The following GALNT2 variants were observed in gnomAD, a reference collection of about 807,000 sequenced individuals.
GALNT2 encodes the protein UDP-GalNAc:polypeptide N-acetylgalactosaminyltransferase 2.
GALNT2 carries 31 observed loss-of-function variants against 81.4 expected under a neutral mutation model. The observed-to-expected ratio is 0.38, with a 90% CI of 0.29 to 0.51. GALNT2 has a LOEUF of 0.51. Among genes scored for constraint, GALNT2 ranks in the 20% least tolerant of loss-of-function variants. The pLI is 0.87. For missense variants in GALNT2, 629 were observed against 765.7 expected, an observed-to-expected ratio of 0.82 and a Z score of 2.11; for synonymous variants, 303 against 287.4, an observed-to-expected ratio of 1.05 and a Z score of -0.55.
intron 3 of GALNT2, among the ~76,000 whole-genome samples, chr1:230,206,194 A>G (rs899054493): frequency 2.6e-5 from 4 of 152,164 alleles, no homozygotes; most frequent in African/African-American, 9.7e-5. Context: ...GTTCTTTCTC[A>G]TGGCTCATCA....
At chr1:230,203,023 A>C in intron 2 of GALNT2, 114 bp from the exon 3 acceptor site, 2 of 1,129,336 alleles carry the variant, frequency 1.8e-6, no homozygotes, top group Non-Finnish European at 2.5e-6. Flanking sequence ...TAAAATGGCC[A>C]CTATATAAAG....
chr1:230,255,318 G>A lies in GALNT2; in HGVS notation c.1110G>A (p.Pro370=), dbSNP rs758160726. ...GGAAGCAGCACCCCTACACGTTCCCGGGTGGCAGTGGCACTGTCTTTGCCC... is the reference window on the plus strand; with the variant it reads ...GGAAGCAGCACCCCTACACGTTCCCAGGTGGCAGTGGCACTGTCTTTGCCC... The part of the protein sequence containing the change: ...VFRKQHPYTF[P]GGSGTVFARN... Residue 370 remains proline, a synonymous_variant, in exon 11 of 16, where the codon CCG becomes CCA. Transcript: ENST00000366672. 5.5e-5 allele frequency: 88 copies of A among 1,614,222 alleles called. No homozygotes were observed. Among genetic ancestry groups the A allele is most frequent in the Non-Finnish European group, 6.9e-5 (81 of 1,180,044 alleles).
chr1:230,159,066 A>C (rs1312131109), intron 1 of GALNT2, among the ~76,000 whole-genome samples: 1 of 152,176 alleles, frequency 6.6e-6, no homozygotes, highest in Non-Finnish European at 1.5e-5. Flanking sequence ...GATGAGAGAG[A>C]GAGTAGTGGT....
chr1:230,150,716 C>T (rs572372282), intron 1 of GALNT2, among the ~76,000 whole-genome samples: 6 of 152,342 alleles, frequency 3.9e-5, no homozygotes, highest in Admixed American at 2.0e-4. Context: ...GAATGCGCTG[C>T]GACATTCAGC....
rs115029777 is a variant in GALNT2 at position 230,175,431 on chromosome 1, G to A, written c.127-2787G>A. ...CTTCCTCACCTGTAAAATTGGAATAGTAATAGCATTGCAGGAAGATGAGCA... is the reference window on the plus strand; with the variant it reads ...CTTCCTCACCTGTAAAATTGGAATAATAATAGCATTGCAGGAAGATGAGCA... On this transcript the variant is annotated intron_variant, in intron 1 of 15. Coordinates refer to ENST00000366672, the MANE Select transcript of GALNT2 (RefSeq NM_004481.5). 2.0e-3 allele frequency among the ~76,000 whole-genome samples: 301 copies of A among 152,272 alleles called. 2 individuals carry two copies. Among genetic ancestry groups the A allele is most frequent in the African/African-American group, 7.1e-3 (293 of 41,548 alleles).
chr1:230,229,824 G>A (rs1664818358), intron 3 of GALNT2, among the ~76,000 whole-genome samples: 1 of 152,114 alleles, frequency 6.6e-6, no homozygotes, highest in Non-Finnish European at 1.5e-5. Context: ...CTTCGAATAG[G>A]TGCAGAAAAA....
chr1:230,145,210 C>T (rs1044546920), intron 1 of GALNT2, among the ~76,000 whole-genome samples: 1 of 152,126 alleles, frequency 6.6e-6, no homozygotes, highest in African/African-American at 2.4e-5. Context: ...TCTCAGATCG[C>T]CCCCTGTGTT....
intron 1 of GALNT2, among the ~76,000 whole-genome samples, chr1:230,174,664 C>T (rs1315525077): frequency 6.6e-6 from 1 of 152,132 alleles, no homozygotes; most frequent in South Asian, 2.1e-4. Context: ...CGCTCTGTCC[C>T]TCCGGGACCT....
At chr1:230,171,769 T>C (rs1023415330) in intron 1 of GALNT2, among the ~76,000 whole-genome samples, 2 of 152,236 alleles carry the variant, frequency 1.3e-5, no homozygotes, top group African/African-American at 4.8e-5. Context: ...AGCATGTTTA[T>C]TTTAGTGGTG....
intron 1 of GALNT2, among the ~76,000 whole-genome samples, chr1:230,130,412 A>G (rs1401864527): frequency 6.6e-6 from 1 of 152,154 alleles, no homozygotes; most frequent in Admixed American, 6.6e-5. Context: ...ACTGCTGGGC[A>G]CTGGCTGATG....
intron 14 of GALNT2, among the ~76,000 whole-genome samples, chr1:230,273,376 C>T (rs765317951): frequency 7.2e-5 from 11 of 152,248 alleles, no homozygotes; most frequent in South Asian, 2.1e-4. Flanking sequence ...GACAGACAGA[C>T]GGAGGGGAGG....
chr1:230,273,064 C>A (rs970397931), intron 14 of GALNT2, among the ~76,000 whole-genome samples: 3 of 152,136 alleles, frequency 2.0e-5, no homozygotes, highest in Admixed American at 6.5e-5. Context: ...CCTGAGCCAC[C>A]ACACCGGGCT....
intron 3 of GALNT2, among the ~76,000 whole-genome samples, chr1:230,233,472 G>T (rs12401727): frequency 6.6e-6 from 1 of 152,074 alleles, no homozygotes; most frequent in African/African-American, 2.4e-5. Context: ...AATTAGCCAG[G>T]CATGGTGATG....
At position 230,275,779 on chromosome 1, in the gene GALNT2, A is replaced by G. The variant is rs906682875; in HGVS notation, c.1560+1215A>G. ...ATACATATATACATACACCACAGAT[A>G]TATACATATATATACATGCCACATA... On this transcript the variant is annotated intron_variant, in intron 15 of 15. Coordinates refer to ENST00000366672, the MANE Select transcript of GALNT2 (RefSeq NM_004481.5). This position sits in a 1 kb window ranked among gnomAD's most constrained non-coding sequence, Gnocchi z 5.5. 1.3e-5 allele frequency among the ~76,000 whole-genome samples: 2 copies of G among 151,446 alleles called. No individual in the cohort carries two copies. The highest frequency in any genetic ancestry group is 2.9e-5 in the Non-Finnish European group (2 of 67,816).
At chr1:230,119,649 C>A (rs963204366) in intron 1 of GALNT2, among the ~76,000 whole-genome samples, 4 of 152,198 alleles carry the variant, frequency 2.6e-5, no homozygotes, top group African/African-American at 9.7e-5. Flanking sequence ...CCCCCACCCC[C>A]ACTATTTGTT....
In GALNT2 at chr1:230,265,329, G is replaced by C; in HGVS notation, c.1402G>C (p.Val468Leu). The C allele has an allele frequency of 6.2e-7, 1 of 1,614,242 alleles. No individual in the cohort carries two copies. Among genetic ancestry groups the C allele is most frequent in the Non-Finnish European group, 8.5e-7 (1 of 1,180,044 alleles). Residue 468 changes from valine to leucine, a missense_variant, in exon 14 of 16, where the codon GTT becomes CTT. Around this residue, in one of 3 missense-constraint regions of GALNT2, gnomAD observed 207 missense variants for 225.5 expected, o/e 0.92. Transcript: ENST00000366672. ...TTTGGGACACTTTGCTGATGGTGTGGTTGGAGTTTATGAATGTCACAATGC... is the reference window on the plus strand; with the variant it reads ...TTTGGGACACTTTGCTGATGGTGTGCTTGGAGTTTATGAATGTCACAATGC... ...DTLGHFADGV[V>L]GVYECHNAGG...
chr1:230,123,729 G>A (rs1011336519), intron 1 of GALNT2, among the ~76,000 whole-genome samples: 1 of 152,150 alleles, frequency 6.6e-6, no homozygotes. Context: ...GAAGGCAACA[G>A]GTGTACTTAT....
intron 3 of GALNT2, among the ~76,000 whole-genome samples, chr1:230,234,601 A>T (rs535486928): frequency 1.3e-5 from 2 of 152,318 alleles, no homozygotes; most frequent in South Asian, 4.1e-4. Flanking sequence ...ATCACCATTT[A>T]AGAACCATTT....
At chr1:230,136,729 T>A (rs746932675) in intron 1 of GALNT2, among the ~76,000 whole-genome samples, 1 of 152,208 alleles carries the variant, frequency 6.6e-6, no homozygotes, top group Non-Finnish European at 1.5e-5. Context: ...AAACACCGCT[T>A]GTTTGTAGCT....
Sources: gnomAD v4.1 joint callset for allele counts (sites outside exome capture counted in the v4.1 genomes callset) on GRCh38, gnomAD v4.1.1 for gene constraint, gnomAD v4.1.1 regional missense constraint, Gnocchi (gnomAD v3.1) non-coding constraint, MANE v1.5 for transcripts, NCBI Gene and HGNC (gene_info 2026-07-23, HGNC 2026-07-21) for gene names.